The following COL13A1 variants were observed in gnomAD, a reference collection of about 807,000 sequenced individuals.
The protein encoded by COL13A1 is collagen alpha-1(XIII) chain.
In COL13A1, 89 loss-of-function variants were observed where a neutral mutation model predicts 130.9. That is an observed-to-expected ratio of 0.68 (90% confidence interval 0.57 to 0.81). The LOEUF (loss-of-function observed/expected upper bound fraction) is 0.81, where lower values mean the gene tolerates loss of function less well. Ranked by LOEUF, COL13A1 falls within the 30% of genes least tolerant of loss-of-function variation. The probability of loss-of-function intolerance (pLI) is 0.00; values close to 1 mark genes in which losing one functional copy is unlikely to be tolerated. For synonymous variants in COL13A1, 402 were observed against 341.6 expected (o/e 1.18, Z -1.95); for missense variants, 879 against 934.6 (o/e 0.94, Z 0.78).
intron 2 of COL13A1, among the ~76,000 whole-genome samples, chr10:69,833,320 C>G (rs1849251309): frequency 1.3e-5 from 2 of 152,206 alleles, no homozygotes; most frequent in Admixed American, 6.5e-5. Context: ...TTGAGCACCC[C>G]CACCTCTCCA....
intron 39 of COL13A1, chr10:69,953,914 C>G (rs572414985): frequency 6.5e-6 from 1 of 152,968 alleles, no homozygotes; most frequent in South Asian, 2.1e-4. Context: ...CCAGCCTTGA[C>G]CTGAATAATC....
chr10:69,957,422 C>G (rs904874287), intron 40 of COL13A1, among the ~76,000 whole-genome samples: 1 of 152,228 alleles, frequency 6.6e-6, no homozygotes, highest in Non-Finnish European at 1.5e-5. Flanking sequence ...TAGGACATCT[C>G]AGTTGCTTTC....
At chr10:69,894,753 AG>A in intron 12 of COL13A1, 52 bp downstream of exon 12, 6 of 1,610,002 alleles carry the variant, frequency 3.7e-6, no homozygotes, top group Non-Finnish European at 5.1e-6. Flanking sequence ...ATGGCCTCCC[AG>A]TTGGTAGAAA....
chr10:69,942,874 G>A (rs2067854211), intron 35 of COL13A1, among the ~76,000 whole-genome samples: 1 of 152,218 alleles, frequency 6.6e-6, no homozygotes, highest in Non-Finnish European at 1.5e-5. Flanking sequence ...TTGAGACAGA[G>A]TCTCGCTCTG....
At chr10:69,933,662 C>T (rs565369940) in intron 31 of COL13A1, among the ~76,000 whole-genome samples, 17 of 152,126 alleles carry the variant, frequency 1.1e-4, no homozygotes, top group Admixed American at 7.2e-4. Context: ...GTACTTGTTT[C>T]GAAATGGATA....
chr10:69,868,366 C>T (rs1013710115), intron 3 of COL13A1, among the ~76,000 whole-genome samples: 19 of 152,144 alleles, frequency 1.2e-4, no homozygotes, highest in African/African-American at 4.3e-4. Flanking sequence ...GACTGGGAGA[C>T]AGCACATAAA....
chr10:69,913,956 C>T (rs1380432421), intron 17 of COL13A1, among the ~76,000 whole-genome samples: 5 of 152,046 alleles, frequency 3.3e-5, no homozygotes, highest in Admixed American at 1.3e-4. Context: ...AGGGAAGGGG[C>T]GAAGGTCAGC....
intron 32 of COL13A1, among the ~76,000 whole-genome samples, chr10:69,936,117 G>T (rs2066833144): frequency 1.2e-5 from 1 of 81,888 alleles, no homozygotes; most frequent in Admixed American, 1.2e-4. Context: ...AGGAAGGAAG[G>T]AAGGAAGGAA....
chr10:69,911,445 T>C lies in COL13A1; in HGVS notation c.921+5623T>C, dbSNP rs368629028. 3.9e-5 allele frequency among the ~76,000 whole-genome samples: 6 copies of C among 152,304 alleles called. No homozygotes were observed. In the South Asian group the frequency reaches 6.2e-4, roughly 16 times the overall value. On this transcript the variant is annotated intron_variant, in intron 17 of 40. Transcript: ENST00000645393. ...CAACTTATGGATGAGCATACTGAGG[T>C]TCACAGAGGCCATTTTCCCCGAGGT... is the stretch of plus-strand genomic sequence containing the variant.
intron 30 of COL13A1, 131 bp downstream of exon 30, chr10:69,930,683 G>T (rs1239544034): frequency 1.9e-6 from 2 of 1,062,608 alleles, no homozygotes; most frequent in African/African-American, 1.6e-5. Context: ...GGGCTTAGGG[G>T]TGGAGGATTC....
intron 2 of COL13A1, among the ~76,000 whole-genome samples, chr10:69,855,300 G>A (rs1293866667): frequency 6.6e-6 from 1 of 152,164 alleles, no homozygotes; most frequent in African/African-American, 2.4e-5. Context: ...CCATGAGACT[G>A]TGTGTTTCTT....
At chr10:69,844,860 G>A (rs1484372613) in intron 2 of COL13A1, among the ~76,000 whole-genome samples, 2 of 152,238 alleles carry the variant, frequency 1.3e-5, no homozygotes, top group Non-Finnish European at 1.5e-5. Flanking sequence ...GGAAGCAGAT[G>A]GGATTGAGCT....
At chr10:69,832,403 G>A (rs1336375600) in intron 2 of COL13A1, among the ~76,000 whole-genome samples, 1 of 152,190 alleles carries the variant, frequency 6.6e-6, no homozygotes, top group Non-Finnish European at 1.5e-5. Flanking sequence ...ATTTTCACTT[G>A]CTCATCTCTT....
chr10:69,950,009 TAC>T (rs2069241279), intron 38 of COL13A1, among the ~76,000 whole-genome samples: 2 of 151,946 alleles, frequency 1.3e-5, no homozygotes, highest in South Asian at 4.1e-4. Flanking sequence ...CGTGTGTGTG[TAC>T]GTCTCACTTC....
chr10:69,811,702 G>A (rs137993286), intron 1 of COL13A1, among the ~76,000 whole-genome samples: 310 of 152,198 alleles, frequency 2.0e-3, no homozygotes, highest in Non-Finnish European at 3.8e-3. Context: ...CCTCAGTGAC[G>A]GGGAGCTCAC....
At chr10:69,861,010 G>A (rs1459365868) in intron 2 of COL13A1, among the ~76,000 whole-genome samples, 2 of 152,210 alleles carry the variant, frequency 1.3e-5, no homozygotes, top group South Asian at 2.1e-4. Flanking sequence ...GAGAATGGAC[G>A]CAGAGGAGGT....
intron 5 of COL13A1, 79 bp downstream of exon 5, chr10:69,875,242 T>G (rs2059462558): frequency 2.5e-6 from 4 of 1,570,012 alleles, no homozygotes; most frequent in Non-Finnish European, 3.5e-6. Flanking sequence ...ACCATGGCAA[T>G]GTGCTGTCTA....
intron 2 of COL13A1, among the ~76,000 whole-genome samples, chr10:69,866,120 G>A (rs1044826594): frequency 6.6e-6 from 1 of 152,198 alleles, no homozygotes; most frequent in African/African-American, 2.4e-5. Flanking sequence ...TCCTCCAGGG[G>A]TGCACCCAGC....
intron 10 of COL13A1, among the ~76,000 whole-genome samples, chr10:69,891,751 C>A (rs2061193754): frequency 6.6e-6 from 1 of 152,172 alleles, no homozygotes; most frequent in African/African-American, 2.4e-5. Context: ...CCCATGGCCC[C>A]CCAGAAGTAA....
Sources: gnomAD v4.1 joint callset for allele counts (sites outside exome capture counted in the v4.1 genomes callset) on GRCh38, gnomAD v4.1.1 for gene constraint, MANE v1.5 for transcripts, NCBI Gene and HGNC (gene_info 2026-07-23, HGNC 2026-07-21) for gene names.